The following NUP153 variants were observed in gnomAD, a reference collection of about 807,000 sequenced individuals.
NUP153 encodes nucleoporin 153, also known as nuclear pore complex protein Nup153.
In NUP153, 27 loss-of-function variants were observed where a neutral mutation model predicts 134.6. The ratio of observed to expected loss-of-function variants is 0.20; its 90% CI spans 0.15 to 0.28. The LOEUF (loss-of-function observed/expected upper bound fraction) is 0.28, where lower values mean the gene tolerates loss of function less well. Among genes scored for constraint, NUP153 ranks in the 10% least tolerant of loss-of-function variants. The pLI is 1.00. For missense variants in NUP153, 1,821 were observed against 1,731.3 expected, an observed-to-expected ratio of 1.05 and a Z score of -0.92; for synonymous variants, 640 against 623.5, an observed-to-expected ratio of 1.03 and a Z score of -0.40.
At chr6:17,685,452 G>A (rs552697201) in intron 2 of NUP153, among the ~76,000 whole-genome samples, 14 of 151,864 alleles carry the variant, frequency 9.2e-5, no homozygotes, top group Non-Finnish European at 1.8e-4. Flanking sequence ...GGGAGGCTGA[G>A]GCAGGAGAAT....
Position 17,675,684 on chromosome 6 carries a change from A to C in NUP153, c.421T>G (p.Leu141Val). Residue 141 changes from leucine (L) to valine (V), a missense_variant, in exon 3 of 22, where the codon TTG (leucine) becomes GTG (valine). Transcript: ENST00000262077. This position sits in a 1 kb window ranked among gnomAD's most constrained non-coding sequence, Gnocchi z 4.4. ...LHRSHLNFSM[L>V]ESPALHCQPS... ...TGACAGTGTAATGCAGGGGATTCCAACATGGAAAAATTCAGATGGCTCCGA... is the reference window on the plus strand; with the variant it reads ...TGACAGTGTAATGCAGGGGATTCCACCATGGAAAAATTCAGATGGCTCCGA... 1.9e-6 allele frequency: 3 copies of C among 1,614,090 alleles called. No homozygotes were observed. The highest frequency in any genetic ancestry group is 2.5e-6 in the Non-Finnish European group (3 of 1,179,952).
intron 12 of NUP153, among the ~76,000 whole-genome samples, chr6:17,648,635 T>A (rs995555586): frequency 8.6e-5 from 13 of 151,512 alleles, no homozygotes; most frequent in African/African-American, 2.9e-4. Context: ...AATAAATATT[T>A]AAAAAAAAAT....
chr6:17,657,409 A>AT (rs1158083308), intron 11 of NUP153, among the ~76,000 whole-genome samples: 1 of 151,146 alleles, frequency 6.6e-6, no homozygotes, highest in Non-Finnish European at 1.5e-5. Context: ...AATAAAAAAA[A>AT]AAAAAATAGC....
In NUP153 at chr6:17,639,856, A is replaced by T. The variant is rs545554993; in HGVS notation, c.1846+83T>A. 1.3e-5 allele frequency: 17 copies of T among 1,299,904 alleles called. No individual in the cohort carries two copies. The African/African-American group carries it at 2.3e-4, about 17-fold the overall frequency. The allele number at this position is 1,299,904 out of a possible 1,614,324, so 80.5% of individuals were successfully genotyped here. A position where few individuals can be genotyped will look rare whatever the true frequency, so the allele number is the denominator to read the frequency against. On this transcript the variant is annotated intron_variant, in intron 15 of 21. Transcript: ENST00000262077. ...CCTACCAAACTAGTCAGAAATTTTT[A>T]AAAGCCTAAAGTATAATACAAAATG...
At chr6:17,666,778 A>G (rs745470473) in intron 8 of NUP153, among the ~76,000 whole-genome samples, 2 of 152,252 alleles carry the variant, frequency 1.3e-5, no homozygotes, top group Non-Finnish European at 2.9e-5. Context: ...TAAAACCACT[A>G]TAAAGCCAGA....
At chr6:17,686,882 G>GC in intron 2 of NUP153, among the ~76,000 whole-genome samples, 1 of 148,680 alleles carries the variant, frequency 6.7e-6, no homozygotes, top group Admixed American at 6.7e-5. Flanking sequence ...ATGGGCAGCC[G>GC]GGGGCGGGCG....
In NUP153 at chr6:17,701,839, G is replaced by GGC. The variant is rs1554148709; in HGVS notation, c.111+4437_111+4438insGC. Among the ~76,000 whole-genome samples the GGC allele has an allele frequency of 9.5e-5, 10 of 105,398 alleles. 2 individuals are homozygous for GGC. The highest frequency in any genetic ancestry group is 4.8e-4 in the Admixed American group (5 of 10,504). 69.1% of individuals were successfully genotyped at this position (105,398 alleles called of 152,430 possible). A position where few individuals can be genotyped will look rare whatever the true frequency, so the allele number is the denominator to read the frequency against. On this transcript the variant is annotated intron_variant, in intron 1 of 21. Transcript: ENST00000262077. ...CAGAGCAAGACTCTGTCTCGGGGGG[G>GGC]GGGGGAAAAAAGCTAAATGCAGGAA...
intron 1 of NUP153, among the ~76,000 whole-genome samples, chr6:17,692,355 T>C (rs1195053036): frequency 2.6e-5 from 4 of 152,102 alleles, no homozygotes; most frequent in Non-Finnish European, 5.9e-5. Context: ...TAAAAAGGAA[T>C]GCAGGCTATA....
At chr6:17,684,847 T>C (rs780945616) in intron 2 of NUP153, among the ~76,000 whole-genome samples, 4 of 152,200 alleles carry the variant, frequency 2.6e-5, no homozygotes, top group Admixed American at 6.5e-5. Flanking sequence ...AAGAGGGGAA[T>C]AGCCAGTTGG....
At chr6:17,631,818 T>C (rs1765269948) in intron 17 of NUP153, among the ~76,000 whole-genome samples, 1 of 151,968 alleles carries the variant, frequency 6.6e-6, no homozygotes, top group African/African-American at 2.4e-5. Flanking sequence ...ACACAAAAAA[T>C]TAGCTAGGCG....
chr6:17,702,528 C>T (rs774758090), intron 1 of NUP153, among the ~76,000 whole-genome samples: 4 of 150,906 alleles, frequency 2.7e-5, no homozygotes, highest in Non-Finnish European at 4.4e-5. Context: ...CAAAAAAAAT[C>T]AGCCGTTTGT....
At chr6:17,688,717 G>A in intron 1 of NUP153, 99 bp from the exon 2 acceptor site, 1 of 877,822 alleles carries the variant, frequency 1.1e-6, no homozygotes, top group Non-Finnish European at 1.7e-6. Context: ...ACACAATGGT[G>A]TCCAACAAGT....
In NUP153 at chr6:17,616,569, C is replaced by T. The variant is rs1204753264; in HGVS notation, c.4301G>A (p.Gly1434Glu). 1.2e-5 allele frequency: 20 copies of T among 1,613,958 alleles called. No homozygotes were observed. The highest frequency in any genetic ancestry group is 5.0e-5 in the Admixed American group (3 of 59,980). Residue 1434 changes from glycine (G) to glutamate (E), a missense_variant, in exon 21 of 22, where the codon GGG (glycine) becomes GAG (glutamate). Coordinates refer to ENST00000262077, the MANE Select transcript of NUP153 (RefSeq NM_005124.4). ...TGGAGACTGGTTAAATGGAAAGCCC[C>T]CCGAGCCTGAAGGCTGGGCTGAGGC... ...PAASAQPSGS[G>E]GFPFNQSPAA...
At chr6:17,701,845 A>AAAAAAC (rs1770123173) in intron 1 of NUP153, among the ~76,000 whole-genome samples, 1 of 35,076 alleles carries the variant, frequency 2.9e-5, no homozygotes, top group Non-Finnish European at 4.7e-5. Flanking sequence ...GGGGGGGGGG[A>AAAAAAC]AAAAAGCTAA....
At chr6:17,643,138 T>G (rs1260688052) in intron 14 of NUP153, among the ~76,000 whole-genome samples, 1 of 152,186 alleles carries the variant, frequency 6.6e-6, no homozygotes, top group Non-Finnish European at 1.5e-5. Context: ...CACTGAATTA[T>G]TCCCTTTAAA....
intron 17 of NUP153, among the ~76,000 whole-genome samples, chr6:17,631,992 A>G (rs1385364148): frequency 1.3e-5 from 2 of 152,248 alleles, no homozygotes; most frequent in Non-Finnish European, 2.9e-5. Flanking sequence ...TCTGGCCTCC[A>G]GTTAGTTTAG....
At chr6:17,648,428 C>T (rs1766331000) in intron 12 of NUP153, among the ~76,000 whole-genome samples, 1 of 152,106 alleles carries the variant, frequency 6.6e-6, no homozygotes, top group Admixed American at 6.5e-5. Flanking sequence ...ATCAGCCTAA[C>T]CAACATGGTG....
chr6:17,667,178 T>G (rs1163078403), intron 8 of NUP153, among the ~76,000 whole-genome samples: 1 of 152,214 alleles, frequency 6.6e-6, no homozygotes, highest in Non-Finnish European at 1.5e-5. Context: ...GCTAGTAGCT[T>G]AAATTAAGCC....
intron 1 of NUP153, among the ~76,000 whole-genome samples, chr6:17,690,494 T>C (rs764592888): frequency 3.3e-5 from 5 of 152,140 alleles, no homozygotes; most frequent in Non-Finnish European, 7.4e-5. Context: ...TTTATAGTAA[T>C]TATAATGAAA....
Sources: allele counts gnomAD v4.1 joint callset (sites outside exome capture counted in the v4.1 genomes callset), GRCh38; gene constraint gnomAD v4.1.1; non-coding constraint Gnocchi (gnomAD v3.1); transcripts MANE v1.5; gene names NCBI Gene and HGNC (gene_info 2026-07-23, HGNC 2026-07-21).